ZDHHC3: variants seen among roughly 807,000 people sequenced by gnomAD.
ZDHHC3 encodes the protein palmitoyltransferase ZDHHC3.
Under a neutral mutation model 30.6 loss-of-function variants are expected in ZDHHC3, and 9 were observed. The observed-to-expected ratio is 0.29, with a 90% CI of 0.18 to 0.51. The LOEUF (loss-of-function observed/expected upper bound fraction) is 0.51. Ranked by LOEUF, ZDHHC3 falls within the 20% of genes least tolerant of loss-of-function variation. The pLI is 0.97. For missense variants in ZDHHC3, 246 were observed against 384.2 expected, an observed-to-expected ratio of 0.64 and a Z score of 3.01; for synonymous variants, 136 against 140.2, an observed-to-expected ratio of 0.97 and a Z score of 0.21.
intron 1 of ZDHHC3, among the ~76,000 whole-genome samples, chr3:44,966,265 C>A (rs537535665): frequency 6.6e-6 from 1 of 152,172 alleles, no homozygotes; most frequent in African/African-American, 2.4e-5. Flanking sequence ...ATGCTTTTGG[C>A]TTAAGCCAAA....
intron 3 of ZDHHC3, among the ~76,000 whole-genome samples, chr3:44,938,812 A>G (rs1235669022): frequency 2.0e-5 from 3 of 152,166 alleles, no homozygotes; most frequent in Non-Finnish European, 4.4e-5. Flanking sequence ...CTGGAAGCAA[A>G]GACTACCCGG....
At position 44,931,992 on chromosome 3, in the gene ZDHHC3, G is replaced by A. The variant is rs182317753; in HGVS notation, c.610+1126C>T. On this transcript the variant is annotated intron_variant, in intron 5 of 6. Coordinates refer to ENST00000424952, the MANE Select transcript of ZDHHC3 (RefSeq NM_001135179.2). ...GCCTTCCAGCACCATTACAACAACA[G>A]GGACATTTTGCCTCACTGACAGTCT... 1.5e-4 allele frequency among the ~76,000 whole-genome samples: 23 copies of A among 152,262 alleles called. No individual in the cohort carries two copies. The East Asian group carries it at 4.4e-3, about 29-fold the overall frequency.
Position 44,922,731 on chromosome 3 carries a change from C to G in ZDHHC3, c.*3958G>C. Reference sequence around the variant, plus strand: ...CTGTTAAGACACGGGCTGCTGGGCCCCGCTCGGTTTCTGGTTCGGTAGCCT... The same window carrying G: ...CTGTTAAGACACGGGCTGCTGGGCCGCGCTCGGTTTCTGGTTCGGTAGCCT... On this transcript the variant is annotated 3_prime_UTR_variant, in exon 7 of 7. Transcript: ENST00000424952. The G allele has an allele frequency of 1.0e-6, 1 of 984,818 alleles. No individual in the cohort carries two copies. The highest frequency in any genetic ancestry group is 1.2e-6 in the Non-Finnish European group (1 of 829,440). 61.0% of individuals were successfully genotyped at this position (984,818 alleles called of 1,614,324 possible).
intron 3 of ZDHHC3, among the ~76,000 whole-genome samples, chr3:44,943,642 C>A (rs1408525595): frequency 6.6e-6 from 1 of 152,192 alleles, no homozygotes; most frequent in Admixed American, 6.5e-5. Flanking sequence ...TAACCCCTCC[C>A]CACCCAAACA....
chr3:44,922,255 T>G lies in ZDHHC3; in HGVS notation c.*4434A>C, dbSNP rs1007309602. 20 of 985,478 alleles carry G rather than the reference T, an allele frequency of 2.0e-5. No individual in the cohort carries two copies. Among genetic ancestry groups the G allele is most frequent in the Middle Eastern group, 1.0e-3 (2 of 1,914 alleles). 61.0% of individuals were successfully genotyped at this position (985,478 alleles called of 1,614,324 possible). A position where few individuals can be genotyped will look rare whatever the true frequency, so the allele number is the denominator to read the frequency against. On this transcript the variant is annotated 3_prime_UTR_variant, in exon 7 of 7. Transcript: ENST00000424952. Reference sequence around the variant, plus strand: ...CAAAGGTCAAGACGTGTTCAGGTCATGTATCCAGGCTGCTACAATGCCCCT... The same window carrying G: ...CAAAGGTCAAGACGTGTTCAGGTCAGGTATCCAGGCTGCTACAATGCCCCT...
Position 44,926,158 on chromosome 3 carries a change from C to T in ZDHHC3, c.*531G>A, listed in dbSNP as rs753151831. On this transcript the variant is annotated 3_prime_UTR_variant, in exon 7 of 7. Coordinates refer to ENST00000424952, the MANE Select transcript of ZDHHC3 (RefSeq NM_001135179.2). ...ACCGTGTCCACTTGGGGGATGAGGT[C>T]GCTGTGCCAAGGTCCCTTCTGATCC... 1.6e-4 allele frequency: 159 copies of T among 985,670 alleles called. No individual in the cohort carries two copies. Among genetic ancestry groups the T allele is most frequent in the Non-Finnish European group, 1.9e-4 (157 of 830,054 alleles). 61.1% of individuals were successfully genotyped at this position (985,670 alleles called of 1,614,324 possible). A position where few individuals can be genotyped will look rare whatever the true frequency, so the allele number is the denominator to read the frequency against.
rs7645399 is a variant in ZDHHC3 at position 44,962,776 on chromosome 3, C to G, written c.-24-3316G>C. Among the ~76,000 whole-genome samples the G allele has an allele frequency of 6.3e-3, 959 of 152,306 alleles. 6 individuals carry two copies. The highest frequency in any genetic ancestry group is 0.017 in the Middle Eastern group (5 of 294). On this transcript the variant is annotated intron_variant, in intron 1 of 6. Coordinates refer to ENST00000424952, the MANE Select transcript of ZDHHC3 (RefSeq NM_001135179.2). ...CTGTATATGATCCTTTGTCTTCCTCCTCCATTCCTGCCTACTCATTTCTGT... is the reference window on the plus strand; with the variant it reads ...CTGTATATGATCCTTTGTCTTCCTCGTCCATTCCTGCCTACTCATTTCTGT...
rs1382886024 is a variant in ZDHHC3, at chr3:44,920,197, T to C, written c.*6492A>G. ...TGACACAAGTCTAAAGGGACCTTCATGTGGGTCATGAGCATGTGATGCCAT... is the reference window on the plus strand; with the variant it reads ...TGACACAAGTCTAAAGGGACCTTCACGTGGGTCATGAGCATGTGATGCCAT... On this transcript the variant is annotated 3_prime_UTR_variant, in exon 7 of 7. Transcript: ENST00000424952. 5.4e-6 allele frequency: 7 copies of C among 1,289,482 alleles called. No individual in the cohort carries two copies. The highest frequency in any genetic ancestry group is 7.1e-6 in the Non-Finnish European group (7 of 988,496). 79.9% of individuals were successfully genotyped at this position (1,289,482 alleles called of 1,614,324 possible).
intron 3 of ZDHHC3, among the ~76,000 whole-genome samples, chr3:44,939,298 T>C (rs1234473653): frequency 2.6e-5 from 4 of 152,246 alleles, no homozygotes; most frequent in East Asian, 3.8e-4. Flanking sequence ...TGAATATACA[T>C]ATAAGTATAC....
At position 44,915,782 on chromosome 3, in the gene ZDHHC3, T is replaced by G. The variant is rs553211508; in HGVS notation, c.*10907A>C. 6.6e-6 allele frequency: 1 copy of G among 152,392 alleles called. No homozygotes were observed. The highest frequency in any genetic ancestry group is 1.5e-5 in the Non-Finnish European group (1 of 68,106). 9.4% of individuals were successfully genotyped at this position (152,392 alleles called of 1,614,324 possible). On this transcript the variant is annotated 3_prime_UTR_variant, in exon 7 of 7. Coordinates refer to ENST00000424952, the MANE Select transcript of ZDHHC3 (RefSeq NM_001135179.2). ...GACACTGCTGTCCTCAGGCCTGAAC[T>G]CACCATGGAAACCCATGTCAGCAAA...
chr3:44,919,032 A>C lies in ZDHHC3; in HGVS notation c.*7657T>G, dbSNP rs971551741. The C allele has an allele frequency of 5.1e-6, 5 of 985,404 alleles. No homozygotes were observed. In the Admixed American group the frequency reaches 2.5e-4, roughly 48 times the overall value. The allele number at this position is 985,404 out of a possible 1,614,324, so 61.0% of individuals were successfully genotyped here. ...TGCTCCTTCACATGACTCAAGAAAG[A>C]TCTCTGTGTATCTAGCACTTTTTCT... On this transcript the variant is annotated 3_prime_UTR_variant, in exon 7 of 7. Coordinates refer to ENST00000424952, the MANE Select transcript of ZDHHC3 (RefSeq NM_001135179.2).
chr3:44,925,942 A>G lies in ZDHHC3; in HGVS notation c.*747T>C, dbSNP rs1408842520. ...TGTAATTTTTTTTCCTCTTGATTGT[A>G]TAAGGCATTTTGAACTGGAAAAACG... On this transcript the variant is annotated 3_prime_UTR_variant, in exon 7 of 7. Coordinates refer to ENST00000424952, the MANE Select transcript of ZDHHC3 (RefSeq NM_001135179.2). 5.1e-6 allele frequency: 5 copies of G among 985,690 alleles called. No homozygotes were observed. Among genetic ancestry groups the G allele is most frequent in the Non-Finnish European group, 6.0e-6 (5 of 829,928 alleles). The allele number at this position is 985,690 out of a possible 1,614,324, so 61.1% of individuals were successfully genotyped here.
At chr3:44,932,751 CTTTGA>C (rs1701604119) in intron 5 of ZDHHC3, among the ~76,000 whole-genome samples, 1 of 152,050 alleles carries the variant, frequency 6.6e-6, no homozygotes, top group Non-Finnish European at 1.5e-5. Flanking sequence ...ATAAAATGAT[CTTTGA>C]TTTAAGTGCC....
chr3:44,944,442 G>A (rs1172769882), intron 3 of ZDHHC3, among the ~76,000 whole-genome samples: 6 of 151,886 alleles, frequency 4.0e-5, no homozygotes, highest in African/African-American at 9.7e-5. Context: ...CACTGCGCCC[G>A]GCCTAATTTT....
At position 44,925,510 on chromosome 3, in the gene ZDHHC3, T is replaced by A; in HGVS notation, c.*1179A>T. 1.0e-6 allele frequency: 1 copy of A among 985,448 alleles called. No homozygotes were observed. The highest frequency in any genetic ancestry group is 1.1e-4 in the East Asian group (1 of 8,820). The allele number at this position is 985,448 out of a possible 1,614,324, so 61.0% of individuals were successfully genotyped here. On this transcript the variant is annotated 3_prime_UTR_variant, in exon 7 of 7. Coordinates refer to ENST00000424952, the MANE Select transcript of ZDHHC3 (RefSeq NM_001135179.2). ...CTTCAAACAAGACTGACACAGGAAG[T>A]GCCTCTCAAATGGAAAATCTATTCT...
intron 3 of ZDHHC3, among the ~76,000 whole-genome samples, chr3:44,938,727 C>T (rs1160344052): frequency 6.6e-6 from 1 of 152,100 alleles, no homozygotes; most frequent in African/African-American, 2.4e-5. Flanking sequence ...CTCTTGCTGA[C>T]CAGCTGGAAG....
At position 44,924,686 on chromosome 3, in the gene ZDHHC3, C is replaced by T. The variant is rs775211084; in HGVS notation, c.*2003G>A. The T allele has an allele frequency of 4.9e-5, 48 of 985,312 alleles. No homozygotes were observed. The highest frequency in any genetic ancestry group is 1.0e-3 in the Middle Eastern group (2 of 1,936). The allele number at this position is 985,312 out of a possible 1,614,324, so 61.0% of individuals were successfully genotyped here. A position where few individuals can be genotyped will look rare whatever the true frequency, so the allele number is the denominator to read the frequency against. ...AGATGGAGTATTACCAATCTCTTCCCCCTAGGGGAGGGCCAGAGCTGTAGC... is the reference window on the plus strand; with the variant it reads ...AGATGGAGTATTACCAATCTCTTCCTCCTAGGGGAGGGCCAGAGCTGTAGC... On this transcript the variant is annotated 3_prime_UTR_variant, in exon 7 of 7. Coordinates refer to ENST00000424952, the MANE Select transcript of ZDHHC3 (RefSeq NM_001135179.2).
intron 6 of ZDHHC3, 79 bp from the exon 7 acceptor site, chr3:44,926,926 G>A: frequency 6.7e-7 from 1 of 1,484,004 alleles, no homozygotes; most frequent in African/African-American, 1.4e-5. Context: ...GCAGCGACAG[G>A]TGAATGGAGT....
chr3:44,955,468 T>TATAC lies in ZDHHC3; in HGVS notation c.306+3662_306+3663insGTAT, dbSNP rs1297436415. Among the ~76,000 whole-genome samples, 8 of 147,384 alleles carry TATAC rather than the reference T, an allele frequency of 5.4e-5. 1 individual carries two copies. Among genetic ancestry groups the TATAC allele is most frequent in the African/African-American group, 2.0e-4 (8 of 40,584 alleles). On this transcript the variant is annotated intron_variant, in intron 2 of 6. Transcript: ENST00000424952. ...AGACCACAAGGTTTTTATATATATA[T>TATAC]ATATATATGTATATATATATATTTT...
Sources: allele counts gnomAD v4.1 joint callset (sites outside exome capture counted in the v4.1 genomes callset), GRCh38; gene constraint gnomAD v4.1.1; transcripts MANE v1.5; gene names NCBI Gene and HGNC (gene_info 2026-07-23, HGNC 2026-07-21).